PAIP2: variants seen among roughly 807,000 people sequenced by gnomAD.
PAIP2 encodes polyadenylate-binding protein-interacting protein 2.
A neutral mutation model predicts 14.8 loss-of-function variants in PAIP2; 7 were observed. That is an observed-to-expected ratio of 0.47 (90% CI 0.27 to 0.89). The LOEUF (loss-of-function observed/expected upper bound fraction) is 0.89, where lower values mean the gene tolerates loss of function less well. Ranked by LOEUF, PAIP2 falls within the 40% of genes least tolerant of loss-of-function variation. PAIP2 has a pLI of 0.13. For synonymous variants in PAIP2, 47 were observed against 45.3 expected, an observed-to-expected ratio of 1.04 and a Z score of -0.15; for missense variants, 122 against 154.7, an observed-to-expected ratio of 0.79 and a Z score of 1.12.
intron 3 of PAIP2, among the ~76,000 whole-genome samples, chr5:139,366,460 A>G (rs923412686): frequency 6.6e-6 from 1 of 152,160 alleles, no homozygotes; most frequent in Non-Finnish European, 1.5e-5. Context: ...CCATTCTTCT[A>G]AAGGATGGTG....
At chr5:139,342,958 A>G (rs1317281283) in intron 1 of PAIP2, 3 of 152,200 alleles carry the variant, frequency 2.0e-5, no homozygotes, top group Non-Finnish European at 4.4e-5. Context: ...GTTTATTTCA[A>G]CGGAAAGTAG....
At chr5:139,347,135 A>G (rs1756574853) in intron 1 of PAIP2, among the ~76,000 whole-genome samples, 1 of 152,198 alleles carries the variant, frequency 6.6e-6, no homozygotes, top group Admixed American at 6.5e-5. Context: ...AAAGGAAAGA[A>G]AATTGATTTT....
intron 3 of PAIP2, chr5:139,365,115 G>A (rs1757176734): frequency 6.6e-6 from 1 of 152,110 alleles, no homozygotes; most frequent in Admixed American, 6.6e-5. Context: ...TTGCACTCCA[G>A]CCTGGGCAAC....
Position 139,357,607 on chromosome 5 carries a change from C to T in PAIP2, c.-26-6152C>T, listed in dbSNP as rs557032236. Among the ~76,000 whole-genome samples, 5 of 152,156 alleles carry T rather than the reference C, an allele frequency of 3.3e-5. No homozygotes were observed. In the East Asian group the frequency reaches 7.7e-4, roughly 23 times the overall value. On this transcript the variant is annotated intron_variant, in intron 1 of 3. Transcript: ENST00000265192. ...AAACACTCTGGGAGGCTGAAGCGGG[C>T]GGATCACGAGGTCAAGAGATCGAGA...
At position 139,348,928 on chromosome 5, in the gene PAIP2, A is replaced by G. The variant is rs367758862; in HGVS notation, c.-27+6948A>G. Reference sequence around the variant, plus strand: ...TGACCTCAGGTGATCTGCCTGCCTCAGCCTCCCAAAGTGCTGGGATTACAA... The same window carrying G: ...TGACCTCAGGTGATCTGCCTGCCTCGGCCTCCCAAAGTGCTGGGATTACAA... On this transcript the variant is annotated intron_variant, in intron 1 of 3. Transcript: ENST00000265192. Among the ~76,000 whole-genome samples the G allele has an allele frequency of 1.2e-4, 18 of 144,714 alleles. No individual in the cohort carries two copies. In the East Asian group the frequency reaches 2.9e-3, roughly 24 times the overall value. 94.9% of individuals were successfully genotyped at this position (144,714 alleles called of 152,430 possible). A position where few individuals can be genotyped will look rare whatever the true frequency, so the allele number is the denominator to read the frequency against.
chr5:139,351,195 A>G (rs985466873), intron 1 of PAIP2, among the ~76,000 whole-genome samples: 2 of 152,172 alleles, frequency 1.3e-5, no homozygotes, highest in South Asian at 2.1e-4. Context: ...AGGAATGCGT[A>G]TTGCCACATT....
At chr5:139,348,175 T>C (rs942331792) in intron 1 of PAIP2, among the ~76,000 whole-genome samples, 2 of 149,406 alleles carry the variant, frequency 1.3e-5, no homozygotes, top group African/African-American at 5.0e-5. Flanking sequence ...CTACGAGTGA[T>C]GAATTTATTT....
At chr5:139,349,700 G>T (rs1308623019) in intron 1 of PAIP2, among the ~76,000 whole-genome samples, 1 of 152,048 alleles carries the variant, frequency 6.6e-6, no homozygotes, top group Non-Finnish European at 1.5e-5. Context: ...CGAAACATCA[G>T]TTATCAAAAA....
At chr5:139,357,025 ATTC>A (rs1429218293) in intron 1 of PAIP2, among the ~76,000 whole-genome samples, 2 of 152,044 alleles carry the variant, frequency 1.3e-5, no homozygotes, top group Non-Finnish European at 2.9e-5. Context: ...TAAAATTTGT[ATTC>A]TTTTTGTGTG....
intron 1 of PAIP2, among the ~76,000 whole-genome samples, chr5:139,360,532 G>A (rs1188759105): frequency 1.3e-5 from 2 of 151,802 alleles, no homozygotes; most frequent in South Asian, 2.1e-4. Flanking sequence ...TTGCTCTGCC[G>A]CCCAGGCTGG....
intron 2 of PAIP2, 136 bp from the exon 3 acceptor site, chr5:139,364,428 A>G (rs1314434356): frequency 3.6e-6 from 2 of 548,678 alleles, no homozygotes; most frequent in East Asian, 5.9e-5. Context: ...TATGGTAAGC[A>G]TTTTTTTTCC....
chr5:139,344,391 C>A (rs1756474571), intron 1 of PAIP2, among the ~76,000 whole-genome samples: 1 of 152,156 alleles, frequency 6.6e-6, no homozygotes, highest in Admixed American at 6.6e-5. Context: ...GTGATCTAGA[C>A]CACCTGTTGC....
At chr5:139,353,620 A>G (rs1756818388) in intron 1 of PAIP2, among the ~76,000 whole-genome samples, 2 of 152,188 alleles carry the variant, frequency 1.3e-5, no homozygotes, top group African/African-American at 4.8e-5. Context: ...GTAATTACAA[A>G]ATAATTACAT....
chr5:139,354,310 C>G (rs535471880), intron 1 of PAIP2, among the ~76,000 whole-genome samples: 2 of 151,988 alleles, frequency 1.3e-5, no homozygotes, highest in Non-Finnish European at 2.9e-5. Flanking sequence ...ATTCTTAGTT[C>G]GATTTTTTTT....
intron 1 of PAIP2, among the ~76,000 whole-genome samples, chr5:139,349,288 G>A (rs1356375790): frequency 6.6e-6 from 1 of 151,954 alleles, no homozygotes; most frequent in Admixed American, 6.6e-5. Context: ...TCGCTCTGTC[G>A]CCCAGGCTGG....
At chr5:139,360,353 CAG>C (rs1333971128) in intron 1 of PAIP2, among the ~76,000 whole-genome samples, 14 of 152,268 alleles carry the variant, frequency 9.2e-5, no homozygotes, top group African/African-American at 3.4e-4. Flanking sequence ...ATAAAAATAA[CAG>C]ATATCCATTG....
intron 1 of PAIP2, among the ~76,000 whole-genome samples, chr5:139,348,298 C>T (rs1756618927): frequency 6.6e-6 from 1 of 151,928 alleles, no homozygotes; most frequent in African/African-American, 2.4e-5. Flanking sequence ...GAGCAATTCT[C>T]CTGCTTCAGC....
At position 139,352,498 on chromosome 5, in the gene PAIP2, T is replaced by TTTG. The variant is rs1561959054; in HGVS notation, c.-27+10518_-27+10519insTTG. On this transcript the variant is annotated intron_variant, in intron 1 of 3. Coordinates refer to ENST00000265192, the MANE Select transcript of PAIP2 (RefSeq NM_016480.5). ...AGTTAATTCCTGCCAGTTTTTTTTT[T>TTTG]GTTGTTTTTTTTTTTTGAGATGGAG... Among the ~76,000 whole-genome samples the TTTG allele has an allele frequency of 9.5e-5, 9 of 94,720 alleles. 1 individual carries two copies. 62.1% of individuals were successfully genotyped at this position (94,720 alleles called of 152,430 possible).
chr5:139,358,363 T>C (rs1357351499), intron 1 of PAIP2, among the ~76,000 whole-genome samples: 4 of 152,244 alleles, frequency 2.6e-5, no homozygotes, highest in African/African-American at 4.8e-5. Flanking sequence ...AAGAAAAATA[T>C]ATACCACATT....
Sources: gnomAD v4.1 joint callset for allele counts (sites outside exome capture counted in the v4.1 genomes callset) on GRCh38, gnomAD v4.1.1 for gene constraint, MANE v1.5 for transcripts, NCBI Gene and HGNC (gene_info 2026-07-23, HGNC 2026-07-21) for gene names.